The following VIPR2 variants were observed in gnomAD, a reference collection of about 807,000 sequenced individuals.
VIPR2 encodes the protein vasoactive intestinal polypeptide receptor 2.
In VIPR2, 48 loss-of-function variants were observed where a neutral mutation model predicts 58.0. The ratio of observed to expected loss-of-function variants is 0.83; its 90% CI spans 0.66 to 1.05. VIPR2 has a LOEUF of 1.05. Ranked by LOEUF, VIPR2 falls within the 50% of genes least tolerant of loss-of-function variation. The probability of loss-of-function intolerance (pLI) is 0.00; values close to 1 mark genes in which losing one functional copy is unlikely to be tolerated. For missense variants in VIPR2, 534 were observed against 558.0 expected, an observed-to-expected ratio of 0.96 and a Z score of 0.43; for synonymous variants, 243 against 235.2, an observed-to-expected ratio of 1.03 and a Z score of -0.30.
At position 159,134,663 on chromosome 7, in the gene VIPR2, CT is replaced by C. The variant is rs1380328529; in HGVS notation, c.151+7782del. Among the ~76,000 whole-genome samples, 683 of 145,182 alleles carry C rather than the reference CT, an allele frequency of 4.7e-3. 3 individuals carry two copies. The highest frequency in any genetic ancestry group is 0.014 in the African/African-American group (565 of 39,942). On this transcript the variant is annotated intron_variant, in intron 2 of 12. Transcript: ENST00000262178. Reference sequence around the variant, plus strand: ...CTATTAATAGTGCAATATTTTCTTTCTTTTTTTTTTTTGAGACGGAGTCTTG... The same window carrying C: ...CTATTAATAGTGCAATATTTTCTTTCTTTTTTTTTTTGAGACGGAGTCTTG...
At position 159,132,793 on chromosome 7, in the gene VIPR2, C is replaced by CAGAATGATTGGCATACAGAT. The variant is rs1563355044; in HGVS notation, c.151+9652_151+9653insATCTGTATGCCAATCATTCT. Among the ~76,000 whole-genome samples, 98 of 31,854 alleles carry CAGAATGATTGGCATACAGAT rather than the reference C, an allele frequency of 3.1e-3. 7 individuals are homozygous for CAGAATGATTGGCATACAGAT. Among genetic ancestry groups the CAGAATGATTGGCATACAGAT allele is most frequent in the East Asian group, 7.1e-3 (6 of 840 alleles). 20.9% of individuals were successfully genotyped at this position (31,854 alleles called of 152,430 possible). A position where few individuals can be genotyped will look rare whatever the true frequency, so the allele number is the denominator to read the frequency against. On this transcript the variant is annotated intron_variant, in intron 2 of 12. Transcript: ENST00000262178. Reference sequence around the variant, plus strand: ...TCAGACAGAATGATTGGCATACAGACTGATTTCAGACAGAATGATTGGCAT... The same window carrying CAGAATGATTGGCATACAGAT: ...TCAGACAGAATGATTGGCATACAGACAGAATGATTGGCATACAGATTGATTTCAGACAGAATGATTGGCAT...
At chr7:159,131,081 C>T (rs1388278829) in intron 2 of VIPR2, among the ~76,000 whole-genome samples, 1 of 152,030 alleles carries the variant, frequency 6.6e-6, no homozygotes, top group Non-Finnish European at 1.5e-5. Flanking sequence ...GTGGTCTGTG[C>T]CAGGGGTGTG....
At chr7:159,092,835 C>T (rs1300660678) in intron 4 of VIPR2, among the ~76,000 whole-genome samples, 3 of 151,814 alleles carry the variant, frequency 2.0e-5, no homozygotes, top group Admixed American at 6.6e-5. Context: ...ACTGTGGCTC[C>T]GTGTCTCAGA....
rs1434179207 is a variant in VIPR2 at position 159,093,417 on chromosome 7, C to T, written c.357+10340G>A. 2.6e-5 allele frequency among the ~76,000 whole-genome samples: 4 copies of T among 152,178 alleles called. No individual in the cohort carries two copies. Among genetic ancestry groups the T allele is most frequent in the Non-Finnish European group, 5.9e-5 (4 of 68,044 alleles). ...GGCACCGCGGCTCCACGCTTACTTT[C>T]GAGGGTGCTGGCGGGTGTGGCTGGA... On this transcript the variant is annotated intron_variant, in intron 4 of 12. Transcript: ENST00000262178. The surrounding 1 kb of genome is among the most constrained non-coding windows in gnomAD (Gnocchi z 6.7).
intron 2 of VIPR2, among the ~76,000 whole-genome samples, chr7:159,132,547 C>G (rs1353549900): frequency 1.3e-5 from 2 of 152,280 alleles, no homozygotes; most frequent in Non-Finnish European, 2.9e-5. Flanking sequence ...GACACCCCAT[C>G]TGGAACTCCA....
chr7:159,077,829 T>TA (rs1201421310), intron 4 of VIPR2, among the ~76,000 whole-genome samples: 1 of 152,244 alleles, frequency 6.6e-6, no homozygotes. Flanking sequence ...CTAGCCCTGT[T>TA]CAATGTCTTT....
intron 4 of VIPR2, among the ~76,000 whole-genome samples, chr7:159,077,489 T>C (rs13438246): frequency 1.4e-5 from 2 of 144,672 alleles, no homozygotes; most frequent in African/African-American, 5.4e-5. Context: ...CTTTGAGGTA[T>C]TATAGTGTAA....
chr7:159,096,799 G>A lies in VIPR2; in HGVS notation c.357+6958C>T, dbSNP rs1163724613. The A allele has an allele frequency of 1.7e-5, 24 of 1,430,756 alleles. No homozygotes were observed. Among genetic ancestry groups the A allele is most frequent in the Admixed American group, 2.7e-5 (1 of 36,768 alleles). 88.6% of individuals were successfully genotyped at this position (1,430,756 alleles called of 1,614,324 possible). A position where few individuals can be genotyped will look rare whatever the true frequency, so the allele number is the denominator to read the frequency against. On this transcript the variant is annotated intron_variant, in intron 4 of 12. Transcript: ENST00000262178. This position sits in a 1 kb window ranked among gnomAD's most constrained non-coding sequence, Gnocchi z 5.5. ...GCCTGAGGTCAGTCTCGTGGCCCCC[G>A]CAGCAGCCACAGGCCCAGCTCTTGT...
At chr7:159,103,685 G>T in intron 4 of VIPR2, 72 bp downstream of exon 4, 3 of 1,143,638 alleles carry the variant, frequency 2.6e-6, no homozygotes, top group Non-Finnish European at 4.0e-6. Flanking sequence ...AATTCTTGCA[G>T]GGCAGGAGGG....
chr7:159,144,751 G>T lies in VIPR2; in HGVS notation c.21C>A (p.Pro7=), dbSNP rs888907509. 4.4e-5 allele frequency: 57 copies of T among 1,292,894 alleles called. No individual in the cohort carries two copies. The African/African-American group carries it at 8.3e-4, about 19-fold the overall frequency. 80.1% of individuals were successfully genotyped at this position (1,292,894 alleles called of 1,614,324 possible). The change falls in exon 1 of 13, where the codon CCC becomes CCA. Residue 7 remains proline (P), a synonymous_variant. Coordinates refer to ENST00000262178, the MANE Select transcript of VIPR2 (RefSeq NM_003382.5). MRTLLP[P]ALLTCWLLAP... ...CGAGCAGCCAGCAGGTCAGCAGCGC[G>T]GGAGGCAGCAGCGTCCGCATCCCGA...
At chr7:159,144,407 GC>G in intron 1 of VIPR2, 3 of 1,546,598 alleles carry the variant, frequency 1.9e-6, no homozygotes, top group Non-Finnish European at 2.6e-6. Flanking sequence ...TCCCGGGACG[GC>G]CCCGAACGAG....
intron 2 of VIPR2, among the ~76,000 whole-genome samples, chr7:159,112,642 C>A (rs1357251637): frequency 6.6e-6 from 1 of 152,204 alleles, no homozygotes; most frequent in Admixed American, 6.5e-5. Flanking sequence ...AGGGAACCGA[C>A]GGGACCCGGC....
At chr7:159,049,051 C>A (rs550511865) in intron 5 of VIPR2, among the ~76,000 whole-genome samples, 3 of 152,162 alleles carry the variant, frequency 2.0e-5, no homozygotes, top group Non-Finnish European at 2.9e-5. Context: ...GGACTCTGAG[C>A]GTCCCTGTTC....
chr7:159,140,620 G>A (rs1451515061), intron 2 of VIPR2, among the ~76,000 whole-genome samples: 1 of 152,252 alleles, frequency 6.6e-6, no homozygotes, highest in Admixed American at 6.5e-5. Flanking sequence ...GAGATGTCCA[G>A]GTAGACACCT....
intron 4 of VIPR2, among the ~76,000 whole-genome samples, chr7:159,071,182 A>G (rs1856369234): frequency 6.6e-6 from 1 of 152,216 alleles, no homozygotes; most frequent in Non-Finnish European, 1.5e-5. Flanking sequence ...CATGGTCATG[A>G]GGAACTGTGC....
chr7:159,118,359 T>C (rs544604859), intron 2 of VIPR2, among the ~76,000 whole-genome samples: 29 of 152,218 alleles, frequency 1.9e-4, no homozygotes, highest in African/African-American at 7.0e-4. Flanking sequence ...CTGGAGACCA[T>C]TTTCTGTGTC....
chr7:159,090,507 A>T (rs555522286), intron 4 of VIPR2, among the ~76,000 whole-genome samples: 3 of 79,106 alleles, frequency 3.8e-5, no homozygotes, highest in South Asian at 4.7e-4. Context: ...ACCTCCTGCG[A>T]CCATTGCAAT....
intron 4 of VIPR2, among the ~76,000 whole-genome samples, chr7:159,085,017 T>C (rs1857099180): frequency 6.6e-6 from 1 of 152,230 alleles, no homozygotes; most frequent in Admixed American, 6.5e-5. Flanking sequence ...CTGCACTGTG[T>C]AAAAGCATTA....
At chr7:159,112,280 C>T (rs372456826) in intron 2 of VIPR2, among the ~76,000 whole-genome samples, 18 of 152,196 alleles carry the variant, frequency 1.2e-4, no homozygotes, top group Non-Finnish European at 2.6e-4. Flanking sequence ...CAGAGCTAGA[C>T]GCTGTCAGGA....
Sources: allele counts gnomAD v4.1 joint callset (sites outside exome capture counted in the v4.1 genomes callset), GRCh38; gene constraint gnomAD v4.1.1; non-coding constraint Gnocchi (gnomAD v3.1); transcripts MANE v1.5; gene names NCBI Gene and HGNC (gene_info 2026-07-23, HGNC 2026-07-21).